Variants in SENP7 observed in about 807,000 individuals in gnomAD.
SENP7 encodes sentrin-specific protease 7.
A neutral mutation model predicts 141.2 loss-of-function variants in SENP7; 64 were observed. The ratio of observed to expected loss-of-function variants is 0.45; its 90% CI spans 0.37 to 0.56. The LOEUF is 0.56. SENP7 is among the 20% of genes least tolerant of loss of function. SENP7 has a pLI of 0.00. For missense variants in SENP7, 1,025 were observed against 1,212.2 expected (o/e 0.85, Z 2.29); for synonymous variants, 382 against 426.4 (o/e 0.90, Z 1.28).
chr3:101,357,112 T>C lies in SENP7; in HGVS notation c.1623+4603A>G, dbSNP rs368772441. Among the ~76,000 whole-genome samples the C allele has an allele frequency of 1.4e-4, 22 of 152,214 alleles. No individual in the cohort carries two copies. In the East Asian group the frequency reaches 3.5e-3, roughly 24 times the overall value. On this transcript the variant is annotated intron_variant, in intron 11 of 23. Transcript: ENST00000394095. ...GCCTCCTGGGTTCAAGCAATTCTCCTGCCTCAGCCTCCCAAGTAGGTGGGA... is the reference window on the plus strand; with the variant it reads ...GCCTCCTGGGTTCAAGCAATTCTCCCGCCTCAGCCTCCCAAGTAGGTGGGA...
intron 6 of SENP7, among the ~76,000 whole-genome samples, chr3:101,396,902 G>C (rs1012810136): frequency 5.3e-5 from 8 of 152,194 alleles, no homozygotes; most frequent in African/African-American, 1.9e-4. Flanking sequence ...GGAGTGCAAT[G>C]GTGCGGTCTC....
chr3:101,412,209 C>G (rs1349035499), intron 5 of SENP7, among the ~76,000 whole-genome samples: 1 of 151,976 alleles, frequency 6.6e-6, no homozygotes, highest in Non-Finnish European at 1.5e-5. Context: ...AATTACAATA[C>G]TAATTTAGTT....
intron 6 of SENP7, among the ~76,000 whole-genome samples, chr3:101,395,988 T>A (rs2060957690): frequency 6.6e-6 from 1 of 152,194 alleles, no homozygotes; most frequent in Non-Finnish European, 1.5e-5. Flanking sequence ...ACTAACCCAA[T>A]AAGGTGTGTA....
At chr3:101,479,656 C>T (rs1028592674) in intron 3 of SENP7, among the ~76,000 whole-genome samples, 1 of 149,408 alleles carries the variant, frequency 6.7e-6, no homozygotes, top group African/African-American at 2.5e-5. Context: ...TGATGAACGA[C>T]ACAAAATCAA....
At chr3:101,445,813 A>G (rs1158910022) in intron 4 of SENP7, among the ~76,000 whole-genome samples, 1 of 152,248 alleles carries the variant, frequency 6.6e-6, no homozygotes, top group Non-Finnish European at 1.5e-5. Flanking sequence ...TCACATACTG[A>G]TACAAGCATA....
At chr3:101,503,459 T>C (rs2065470859) in intron 1 of SENP7, among the ~76,000 whole-genome samples, 1 of 152,176 alleles carries the variant, frequency 6.6e-6, no homozygotes, top group African/African-American at 2.4e-5. Context: ...AACCCAAATA[T>C]CCATCAAGTA....
At chr3:101,470,666 G>A (rs1305736319) in intron 3 of SENP7, among the ~76,000 whole-genome samples, 6 of 152,152 alleles carry the variant, frequency 3.9e-5, no homozygotes, top group African/African-American at 1.2e-4. Flanking sequence ...TCGGGCAAGA[G>A]AAAGAAATAA....
intron 4 of SENP7, among the ~76,000 whole-genome samples, chr3:101,419,606 A>C (rs955665988): frequency 4.6e-5 from 7 of 152,216 alleles, no homozygotes; most frequent in Admixed American, 4.6e-4. Context: ...GTGGAAAATA[A>C]GACAAGACCT....
At chr3:101,463,887 C>T (rs897872472) in intron 3 of SENP7, among the ~76,000 whole-genome samples, 2 of 152,098 alleles carry the variant, frequency 1.3e-5, no homozygotes, top group African/African-American at 2.4e-5. Flanking sequence ...TGCAGTGGCG[C>T]GATCTCGGCT....
intron 5 of SENP7, among the ~76,000 whole-genome samples, chr3:101,402,775 T>TA (rs1161947453): frequency 1.3e-5 from 2 of 152,028 alleles, no homozygotes; most frequent in East Asian, 3.9e-4. Context: ...AAAAAATAAA[T>TA]AAAATTCCTT....
intron 1 of SENP7, among the ~76,000 whole-genome samples, chr3:101,507,281 G>A (rs938714323): frequency 5.3e-5 from 8 of 152,158 alleles, no homozygotes; most frequent in Non-Finnish European, 1.2e-4. Flanking sequence ...GATCTTTGGA[G>A]CTACTCAATC....
At chr3:101,398,741 A>G in intron 6 of SENP7, 120 bp downstream of exon 6, 1 of 715,232 alleles carries the variant, frequency 1.4e-6, no homozygotes, top group Non-Finnish European at 2.1e-6. Flanking sequence ...GAGAAAAATA[A>G]TACCAGCTAT....
intron 2 of SENP7, among the ~76,000 whole-genome samples, chr3:101,498,953 T>C (rs1021008070): frequency 8.5e-5 from 13 of 152,196 alleles, no homozygotes; most frequent in South Asian, 4.1e-4. Flanking sequence ...GGGAAAACTG[T>C]CTTCCACGAT....
intron 12 of SENP7, among the ~76,000 whole-genome samples, chr3:101,349,988 G>C (rs1398354453): frequency 2.0e-5 from 3 of 152,160 alleles, no homozygotes; most frequent in African/African-American, 7.2e-5. Flanking sequence ...AAGCAGAAAA[G>C]GTTATGTCGC....
chr3:101,428,415 T>C (rs2107701794), intron 4 of SENP7, among the ~76,000 whole-genome samples: 1 of 152,376 alleles, frequency 6.6e-6, no homozygotes, highest in South Asian at 2.1e-4. Context: ...GGTATCTCAT[T>C]ATGGTTTTAA....
At position 101,493,857 on chromosome 3, in the gene SENP7, TA is replaced by T. The variant is rs2065058574; in HGVS notation, c.186+15del. 6.9e-7 allele frequency: 1 copy of T among 1,443,048 alleles called. No homozygotes were observed. The highest frequency in any genetic ancestry group is 2.3e-5 in the East Asian group (1 of 43,684). The allele number at this position is 1,443,048 out of a possible 1,614,324, so 89.4% of individuals were successfully genotyped here. On this transcript the variant is annotated intron_variant, in intron 3 of 23. Coordinates refer to ENST00000394095, the MANE Select transcript of SENP7 (RefSeq NM_020654.5). ...ATAAAACTGTATACTTAAAATAAAT[TA>T]ATTTTATTTACCACCTGCAAAGGGA...
chr3:101,332,194 GAATA>G (rs1345048040), intron 18 of SENP7, 85 bp from the exon 19 acceptor site: 6 of 1,313,234 alleles, frequency 4.6e-6, no homozygotes, highest in Admixed American at 2.4e-5. Flanking sequence ...GAGAAAGTGA[GAATA>G]AATTTCATAT....
At chr3:101,438,145 C>A (rs1449723699) in intron 4 of SENP7, among the ~76,000 whole-genome samples, 1 of 152,158 alleles carries the variant, frequency 6.6e-6, no homozygotes, top group Admixed American at 6.5e-5. Context: ...GGTATTTGTA[C>A]ACCCATGTTA....
At chr3:101,363,156 C>T (rs1033412394) in intron 10 of SENP7, 25 of 939,972 alleles carry the variant, frequency 2.7e-5, no homozygotes, top group Non-Finnish European at 1.8e-5. Context: ...CTTTGTCATT[C>T]TCATGTTTTA....
Sources: gnomAD v4.1 joint callset for allele counts (sites outside exome capture counted in the v4.1 genomes callset) on GRCh38, gnomAD v4.1.1 for gene constraint, MANE v1.5 for transcripts, NCBI Gene and HGNC (gene_info 2026-07-23, HGNC 2026-07-21) for gene names.